Variants in DLC1 observed in about 807,000 individuals in gnomAD.
DLC1 encodes DLC1 Rho GTPase activating protein.
Under a neutral mutation model 140.3 loss-of-function variants are expected in DLC1, and 54 were observed. The observed-to-expected ratio is 0.38, with a 90% CI of 0.31 to 0.48. The LOEUF (loss-of-function observed/expected upper bound fraction) is 0.48. DLC1 is among the 20% of genes least tolerant of loss of function. The pLI is 0.96. For missense variants in DLC1, 2,536 were observed against 1,907.0 expected (o/e 1.33, Z -6.14); for synonymous variants, 986 against 728.1 (o/e 1.35, Z -5.70).
chr8:13,525,874 C>G (rs112139390), intron 1 of DLC1, among the ~76,000 whole-genome samples: 3,444 of 152,136 alleles, frequency 0.023, 137 homozygotes, highest in African/African-American at 0.079. Flanking sequence ...TGTTTCTGGT[C>G]TCATGGCAAA....
intron 2 of DLC1, among the ~76,000 whole-genome samples, chr8:13,431,423 C>T (rs1177014057): frequency 8.0e-6 from 1 of 125,574 alleles, no homozygotes; most frequent in Non-Finnish European, 1.6e-5. Context: ...GCGGAGCTTG[C>T]AGTGAGCCAA....
intron 2 of DLC1, among the ~76,000 whole-genome samples, chr8:13,425,964 C>A (rs1007105574): frequency 1.3e-5 from 2 of 152,100 alleles, no homozygotes; most frequent in Non-Finnish European, 2.9e-5. Flanking sequence ...AGGCATGCAC[C>A]ACCACATCTG....
At chr8:13,412,437 A>G (rs968020130) in intron 2 of DLC1, among the ~76,000 whole-genome samples, 1 of 152,194 alleles carries the variant, frequency 6.6e-6, no homozygotes, top group Non-Finnish European at 1.5e-5. Context: ...ATGCAAAGAC[A>G]GTATAATCAA....
chr8:13,285,320 G>A (rs1052026462), intron 5 of DLC1, among the ~76,000 whole-genome samples: 1 of 152,142 alleles, frequency 6.6e-6, no homozygotes, highest in Non-Finnish European at 1.5e-5. Context: ...AACAACTGGG[G>A]TGCTGGGGCA....
chr8:13,435,502 T>A (rs1277262284), intron 2 of DLC1, among the ~76,000 whole-genome samples: 1 of 152,026 alleles, frequency 6.6e-6, no homozygotes, highest in South Asian at 2.1e-4. Context: ...TTAGTAGAGA[T>A]GGGGTTTCTC....
At chr8:13,507,753 C>G (rs1017596067) in intron 1 of DLC1, among the ~76,000 whole-genome samples, 1 of 152,150 alleles carries the variant, frequency 6.6e-6, no homozygotes, top group African/African-American at 2.4e-5. Context: ...GCTTCCATGT[C>G]TTTAGGCTGT....
intron 4 of DLC1, among the ~76,000 whole-genome samples, chr8:13,343,625 A>G (rs550123113): frequency 1.3e-5 from 2 of 152,298 alleles, no homozygotes; most frequent in African/African-American, 4.8e-5. Flanking sequence ...AAGAGGGTCT[A>G]GGATATTAAG....
intron 1 of DLC1, among the ~76,000 whole-genome samples, chr8:13,501,277 C>G (rs531812335): frequency 6.6e-6 from 1 of 152,182 alleles, no homozygotes; most frequent in East Asian, 1.9e-4. Context: ...CAAACACATA[C>G]CAGGTACCCA....
chr8:13,089,233 G>C (rs1056818237), intron 15 of DLC1, among the ~76,000 whole-genome samples: 4 of 151,892 alleles, frequency 2.6e-5, no homozygotes, highest in African/African-American at 9.7e-5. Context: ...CTCCAGCCTG[G>C]GTGATGAGAA....
At chr8:13,544,991 T>A (rs925058072) in intron 1 of DLC1, among the ~76,000 whole-genome samples, 2 of 152,184 alleles carry the variant, frequency 1.3e-5, no homozygotes, top group Non-Finnish European at 2.9e-5. Context: ...CCCCTGGAAC[T>A]GTGCAGTACT....
At chr8:13,532,292 C>A (rs534144823) in intron 1 of DLC1, among the ~76,000 whole-genome samples, 4 of 152,126 alleles carry the variant, frequency 2.6e-5, no homozygotes, top group African/African-American at 9.6e-5. Context: ...ACAACAAAAC[C>A]CCACAAATGC....
At chr8:13,571,672 C>T (rs969280727) in intron 1 of DLC1, among the ~76,000 whole-genome samples, 4 of 152,176 alleles carry the variant, frequency 2.6e-5, no homozygotes, top group Non-Finnish European at 4.4e-5. Flanking sequence ...TGAACACTGG[C>T]ATACAAGTAT....
At chr8:13,132,906 C>T (rs774842431) in intron 5 of DLC1, 16 of 1,570,404 alleles carry the variant, frequency 1.0e-5, no homozygotes, top group Non-Finnish European at 1.4e-5. Flanking sequence ...AGCCCGCTCC[C>T]GCGGCCAGCC....
intron 5 of DLC1, among the ~76,000 whole-genome samples, chr8:13,266,669 T>C (rs1041102035): frequency 2.6e-5 from 4 of 152,060 alleles, no homozygotes; most frequent in Non-Finnish European, 5.9e-5. Context: ...CACTTGAATC[T>C]GGAAGGCAGA....
intron 1 of DLC1, among the ~76,000 whole-genome samples, chr8:13,596,839 T>A (rs968877484): frequency 6.6e-6 from 1 of 152,040 alleles, no homozygotes; most frequent in Non-Finnish European, 1.5e-5. Flanking sequence ...ATAGTCAATG[T>A]CTTAATAATG....
intron 2 of DLC1, among the ~76,000 whole-genome samples, chr8:13,442,370 A>C (rs527803325): frequency 4.0e-4 from 61 of 152,340 alleles, no homozygotes; most frequent in African/African-American, 1.4e-3. Context: ...TAATTAAGCT[A>C]AGGAGCTTCT....
intron 5 of DLC1, among the ~76,000 whole-genome samples, chr8:13,242,379 A>C (rs1375009549): frequency 6.7e-6 from 1 of 150,116 alleles, no homozygotes; most frequent in African/African-American, 2.5e-5. Context: ...AAAAAAGAAA[A>C]TATCTCCCCA....
chr8:13,107,690 A>G (rs1819680599), intron 7 of DLC1, among the ~76,000 whole-genome samples: 1 of 152,236 alleles, frequency 6.6e-6, no homozygotes, highest in Non-Finnish European at 1.5e-5. Context: ...TGACTATCAC[A>G]TAATCAGTAC....
chr8:13,290,662 G>T (rs1323650261), intron 5 of DLC1, among the ~76,000 whole-genome samples: 1 of 152,162 alleles, frequency 6.6e-6, no homozygotes, highest in East Asian at 1.9e-4. Context: ...GAGTACTGGA[G>T]TGTTTGGGGG....
Sources: gnomAD v4.1 joint callset for allele counts (sites outside exome capture counted in the v4.1 genomes callset) on GRCh38, gnomAD v4.1.1 for gene constraint, MANE v1.5 for transcripts, NCBI Gene and HGNC (gene_info 2026-07-23, HGNC 2026-07-21) for gene names.